The following PDZD7 variants were observed in gnomAD, a reference collection of about 807,000 sequenced individuals.
PDZD7 encodes the protein PDZ domain-containing protein 7.
In PDZD7, 72 loss-of-function variants were observed where a neutral mutation model predicts 84.7. The observed-to-expected ratio is 0.85, with a 90% CI of 0.70 to 1.03. The LOEUF (loss-of-function observed/expected upper bound fraction) is 1.03, where lower values mean the gene tolerates loss of function less well. Among genes scored for constraint, PDZD7 ranks in the 50% least tolerant of loss-of-function variants. The pLI is 0.00. For synonymous variants in PDZD7, 594 were observed against 580.7 expected, an observed-to-expected ratio of 1.02 and a Z score of -0.33; for missense variants, 1,490 against 1,412.9, an observed-to-expected ratio of 1.05 and a Z score of -0.87.
At chr10:101,027,643 A>AG (rs1937799583) in intron 2 of PDZD7, among the ~76,000 whole-genome samples, 1 of 152,100 alleles carries the variant, frequency 6.6e-6, no homozygotes, top group Non-Finnish European at 1.5e-5. Flanking sequence ...GAGGCATCTG[A>AG]GGTTTGAGAA....
At position 101,021,923 on chromosome 10, in the gene PDZD7, C is replaced by T. The variant is rs779421889; in HGVS notation, c.742G>A (p.Glu248Lys). The T allele has an allele frequency of 3.9e-5, 63 of 1,614,030 alleles. No individual in the cohort carries two copies. The Admixed American group carries it at 4.7e-4, about 12-fold the overall frequency. Residue 248 changes from glutamate (E) to lysine (K), a missense_variant, in exon 6 of 17, where the codon GAG (glutamate) becomes AAG (lysine). Transcript: ENST00000619208. ...VSKVDHGGLAEENGIKVGDQV... is the reference protein window; with the variant it reads ...VSKVDHGGLAKENGIKVGDQV... The stretch of plus-strand genomic sequence containing the variant: ...TCCCCCACCTTGATGCCATTCTCCT[C>T]GGCCAGCCCACCATGGTCCACTCTG...
At position 101,019,139 on chromosome 10, in the gene PDZD7, G is replaced by T; in HGVS notation, c.1007C>A (p.Pro336His). 1 of 1,545,834 alleles carries T rather than the reference G, an allele frequency of 6.5e-7. No homozygotes were observed. Among genetic ancestry groups the T allele is most frequent in the East Asian group, 2.4e-5 (1 of 41,878 alleles). Residue 336 changes from proline (P) to histidine (H), a missense_variant, in exon 8 of 17, where the codon CCC (proline) becomes CAC (histidine). By Grantham distance (77) the Pro-to-His change is moderately conservative. Coordinates refer to ENST00000619208, the MANE Select transcript of PDZD7 (RefSeq NM_001195263.2). ...CGACGGCAGGGAGCCCGAGCTGTAG[G>T]GGGCGCTGGAGGCGCACGAAGAGAC... ...SSVSSCASSA[P>H]YSSGSLPSDR...
chr10:101,022,123 C>T (rs925456980), intron 5 of PDZD7, 86 bp downstream of exon 5: 16 of 1,590,316 alleles, frequency 1.0e-5, no homozygotes, highest in Admixed American at 1.7e-5. Context: ...GCCTCACTTG[C>T]TGACCATCCC....
intron 11 of PDZD7, among the ~76,000 whole-genome samples, chr10:101,013,848 TTTC>T (rs1481874814): frequency 7.3e-6 from 1 of 137,064 alleles, no homozygotes; most frequent in African/African-American, 2.8e-5. Flanking sequence ...GTTTCTTTTC[TTTC>T]TTTTTTTTTT....
At position 101,019,186 on chromosome 10, in the gene PDZD7, C is replaced by A. The variant is rs1852905661; in HGVS notation, c.960G>T (p.Pro320=). The change falls in exon 8 of 17, where the codon CCG becomes CCT. Residue 320 remains proline, a synonymous_variant. Transcript: ENST00000619208. ...AGACGCTGGAGCTGCTCTCAGAGGCCGGGGACAGCTGCTGCAGCACCCCGT... is the reference window on the plus strand; with the variant it reads ...AGACGCTGGAGCTGCTCTCAGAGGCAGGGGACAGCTGCTGCAGCACCCCGT... The part of the protein sequence containing the change: ...LSNGVLQQLS[P]ASESSSSVSS... 6.5e-7 allele frequency: 1 copy of A among 1,536,360 alleles called. No individual in the cohort carries two copies. Among genetic ancestry groups the A allele is most frequent in the East Asian group, 2.4e-5 (1 of 41,032 alleles).
At chr10:101,009,902 C>G (rs1019957548) in intron 15 of PDZD7, among the ~76,000 whole-genome samples, 1 of 150,180 alleles carries the variant, frequency 6.7e-6, no homozygotes, top group Non-Finnish European at 1.5e-5. Flanking sequence ...CCACCGCGCC[C>G]GGCTGAGACA....
intron 2 of PDZD7, among the ~76,000 whole-genome samples, chr10:101,024,814 C>T (rs934890951): frequency 2.8e-5 from 4 of 141,704 alleles, no homozygotes; most frequent in Admixed American, 2.1e-4. Context: ...AAAAAAGATA[C>T]TGTTCTCCTT....
chr10:101,029,963 A>AACCCCGC, intron 2 of PDZD7, 31 bp downstream of exon 2: 2 of 1,546,506 alleles, frequency 1.3e-6, no homozygotes, highest in Non-Finnish European at 1.8e-6. Context: ...ACCCTCCCCA[A>AACCCCGC]CCCAGGCCAG....
rs1853021784 is a variant in PDZD7 at position 101,020,495 on chromosome 10, C to T, written c.928+123G>A. 4 of 920,070 alleles carry T rather than the reference C, an allele frequency of 4.3e-6. No homozygotes were observed. In the South Asian group the frequency reaches 5.6e-5, roughly 13 times the overall value. The allele number at this position is 920,070 out of a possible 1,614,324, so 57.0% of individuals were successfully genotyped here. ...TCAAGCGATCCTCCCACCTCAGCCTCCCAAAATGCTGGGATTACAGGTGTA... is the reference window on the plus strand; with the variant it reads ...TCAAGCGATCCTCCCACCTCAGCCTTCCAAAATGCTGGGATTACAGGTGTA... On this transcript the variant is annotated intron_variant, in intron 7 of 16. Coordinates refer to ENST00000619208, the MANE Select transcript of PDZD7 (RefSeq NM_001195263.2).
Position 101,023,580 on chromosome 10 carries a change from A to T in PDZD7, c.398T>A (p.Ile133Asn). ...CAGGCTCAGCCCATTCACCTCCGTG[A>T]TCTTGTCCCCCACGCACAGGCCAGC... Reference protein sequence around the residue: ...ERAGLCVGDKITEVNGLSLES... With the variant: ...ERAGLCVGDKNTEVNGLSLES... Residue 133 changes from isoleucine (I) to asparagine (N), a missense_variant, in exon 4 of 17, where the codon ATC (isoleucine) becomes AAC (asparagine). Physicochemically the swap from Ile to Asn is moderately radical, Grantham distance 149. Coordinates refer to ENST00000619208, the MANE Select transcript of PDZD7 (RefSeq NM_001195263.2). 1 of 1,613,392 alleles carries T rather than the reference A, an allele frequency of 6.2e-7. No homozygotes were observed.
At chr10:101,016,005 C>A (rs113324992) in intron 10 of PDZD7, among the ~76,000 whole-genome samples, 194 bp from the exon 11 acceptor site, 1 of 152,182 alleles carries the variant, frequency 6.6e-6, no homozygotes, top group Non-Finnish European at 1.5e-5. Flanking sequence ...CAACATGGAC[C>A]CCTATACCAG....
chr10:101,008,157 T>G lies in PDZD7; in HGVS notation c.*310A>C. The G allele has an allele frequency of 1.2e-5, 5 of 424,236 alleles. No homozygotes were observed. The highest frequency in any genetic ancestry group is 3.6e-5 in the East Asian group (1 of 27,580). 26.3% of individuals were successfully genotyped at this position (424,236 alleles called of 1,614,324 possible). On this transcript the variant is annotated 3_prime_UTR_variant, in exon 17 of 17. Coordinates refer to ENST00000619208, the MANE Select transcript of PDZD7 (RefSeq NM_001195263.2). Reference sequence around the variant, plus strand: ...CTTGGGCGACTCATAAGGGACAGCATGTGAGAAAGTGCCCACCAATCCCAA... The same window carrying G: ...CTTGGGCGACTCATAAGGGACAGCAGGTGAGAAAGTGCCCACCAATCCCAA...
intron 11 of PDZD7, among the ~76,000 whole-genome samples, chr10:101,013,251 G>A (rs1852460828): frequency 6.6e-6 from 1 of 152,202 alleles, no homozygotes; most frequent in South Asian, 2.1e-4. Context: ...CCTCATATGT[G>A]CACACGCTTT....
At chr10:101,022,956 C>G (rs6584409) in intron 4 of PDZD7, among the ~76,000 whole-genome samples, 47,860 of 151,478 alleles carry the variant, frequency 0.32, 10,443 homozygotes, top group African/African-American at 0.62. Flanking sequence ...ATTTTTAGTA[C>G]AGACGGGGTT....
chr10:101,017,236 A>C (rs1852668913), intron 9 of PDZD7: 1 of 204,744 alleles, frequency 4.9e-6, no homozygotes, highest in African/African-American at 2.3e-5. Flanking sequence ...GTTGCTATGC[A>C]ATAGAGGTCA....
chr10:101,017,900 G>GA (rs1443754870), intron 9 of PDZD7, 199 bp downstream of exon 9: 3 of 452,940 alleles, frequency 6.6e-6, no homozygotes, highest in East Asian at 3.2e-5. Context: ...AGAAAAGAAA[G>GA]AAAGAAAGAA....
Position 101,018,171 on chromosome 10 carries a change from C to G in PDZD7, c.1450G>C (p.Gly484Arg), listed in dbSNP as rs186148212. ...TCCAGTGTCCAGGCCTCTCTGCGCC[C>G]GTCCCGCGCTAGCCTCCCCTGCCGC... is the stretch of plus-strand genomic sequence containing the variant. ...GGRQGRLARD[G>R]RREAWTLDSG... Residue 484 changes from glycine (G) to arginine (R), a missense_variant, in exon 9 of 17, where the codon GGG (glycine) becomes CGG (arginine). Gly to Arg is a moderately radical substitution (Grantham distance 125). Coordinates refer to ENST00000619208, the MANE Select transcript of PDZD7 (RefSeq NM_001195263.2). The G allele has an allele frequency of 2.5e-6, 4 of 1,614,236 alleles. No homozygotes were observed. The highest frequency in any genetic ancestry group is 1.1e-5 in the South Asian group (1 of 91,088).
At chr10:101,017,816 AG>A (rs1852716851) in intron 9 of PDZD7, 1 of 428,832 alleles carries the variant, frequency 2.3e-6, no homozygotes. Flanking sequence ...AAAGAAAGAA[AG>A]GAAAGAAAGG....
Position 101,019,085 on chromosome 10 carries a change from T to C in PDZD7, c.1061A>G (p.Glu354Gly). Residue 354 changes from glutamate to glycine, a missense_variant, in exon 8 of 17, where the codon GAG becomes GGG. Transcript: ENST00000619208. ...SDRMDICLGQ[E>G]EPGSRGPGWG... Reference sequence around the variant, plus strand: ...GCCTGGGCCGCGGCTGCCGGGCTCCTCCTGCCCGAGGCAGATGTCCATGCG... The same window carrying C: ...GCCTGGGCCGCGGCTGCCGGGCTCCCCCTGCCCGAGGCAGATGTCCATGCG... 1 of 1,565,806 alleles carries C rather than the reference T, an allele frequency of 6.4e-7. No individual in the cohort carries two copies.
Sources: gnomAD v4.1 joint callset for allele counts (sites outside exome capture counted in the v4.1 genomes callset) on GRCh38, gnomAD v4.1.1 for gene constraint, MANE v1.5 for transcripts, NCBI Gene and HGNC (gene_info 2026-07-23, HGNC 2026-07-21) for gene names.